Variants in KCNMA1 observed in about 807,000 individuals in gnomAD.
The protein encoded by KCNMA1 is Calcium-activated potassium channel subunit alpha-1.
Under a neutral mutation model 140.0 loss-of-function variants are expected in KCNMA1, and 29 were observed. That is an observed-to-expected ratio of 0.21 (90% CI 0.15 to 0.28). KCNMA1 has a LOEUF of 0.28. Ranked by LOEUF, KCNMA1 falls within the 10% of genes least tolerant of loss-of-function variation. The pLI, the probability that KCNMA1 is intolerant of heterozygous loss-of-function variation, is 1.00. For synonymous variants in KCNMA1, 612 were observed against 611.9 expected (o/e 1.00, Z 0.00); for missense variants, 880 against 1,602.2 (o/e 0.55, Z 7.70).
At chr10:77,039,455 T>A in intron 15 of KCNMA1, 73 bp downstream of exon 15, 2 of 873,232 alleles carry the variant, frequency 2.3e-6, no homozygotes, top group Non-Finnish European at 3.9e-6. Context: ...CCAGCAGAGG[T>A]GGGAGGCTTC....
intron 2 of KCNMA1, among the ~76,000 whole-genome samples, chr10:77,344,227 C>T (rs1326777487): frequency 6.6e-6 from 1 of 152,194 alleles, no homozygotes; most frequent in Non-Finnish European, 1.5e-5. Context: ...AGCAGAGTTG[C>T]GTGAGGGCTC....
intron 5 of KCNMA1, among the ~76,000 whole-genome samples, chr10:77,152,218 A>G (rs887390424): frequency 1.3e-5 from 2 of 151,978 alleles, no homozygotes; most frequent in Non-Finnish European, 2.9e-5. Flanking sequence ...TCTACCATGC[A>G]TAAGCTGTTT....
At position 77,012,001 on chromosome 10, in the gene KCNMA1, A is replaced by G; in HGVS notation, c.2058T>C (p.Asp686=). The G allele has an allele frequency of 6.2e-7, 1 of 1,613,886 alleles. No individual in the cohort carries two copies. The highest frequency in any genetic ancestry group is 1.1e-5 in the South Asian group (1 of 91,066). Residue 686 remains aspartate (D), a synonymous_variant, in exon 18 of 28, where the codon GAT becomes GAC. Coordinates refer to ENST00000286628, the MANE Select transcript of KCNMA1 (RefSeq NM_001161352.2). ...AGCCACATTTTTTTATTCTTTTGGG[A>G]TCTGTGATGTCATCATGACAGGCCT... ...YCKACHDDIT[D]PKRIKKCGCK... is the part of the protein sequence containing the mutation.
chr10:76,877,278 C>T, downstream of KCNMA1: 1 of 155,174 alleles, frequency 6.4e-6, no homozygotes, highest in Non-Finnish European at 1.4e-5. Context: ...CATCATTGGC[C>T]ATTTTAAAAT....
At chr10:77,096,987 G>T (rs74140285) in intron 9 of KCNMA1, among the ~76,000 whole-genome samples, 1,627 of 152,256 alleles carry the variant, frequency 0.011, 18 homozygotes, top group African/African-American at 0.037. Context: ...AGCAGGGCGT[G>T]GGGGGTTAGA....
At chr10:77,194,926 G>A (rs1465168040) in intron 3 of KCNMA1, among the ~76,000 whole-genome samples, 1 of 152,148 alleles carries the variant, frequency 6.6e-6, no homozygotes, top group East Asian at 1.9e-4. Flanking sequence ...ACATAACATA[G>A]ATAGTCACCA....
chr10:77,050,572 G>A (rs1354419362), intron 14 of KCNMA1, among the ~76,000 whole-genome samples: 4 of 152,162 alleles, frequency 2.6e-5, no homozygotes, highest in Non-Finnish European at 4.4e-5. Context: ...TGATATGCAC[G>A]TATGTCACCC....
chr10:77,026,468 T>C (rs1365903115), intron 16 of KCNMA1, among the ~76,000 whole-genome samples: 1 of 152,198 alleles, frequency 6.6e-6, no homozygotes, highest in Non-Finnish European at 1.5e-5. Context: ...GGCAAAAACA[T>C]GGGTAAACAG....
intron 1 of KCNMA1, among the ~76,000 whole-genome samples, chr10:77,506,596 A>AGAGAGTGTGTGTGTGTGTGTGT: frequency 4.8e-5 from 4 of 83,570 alleles, no homozygotes; most frequent in African/African-American, 2.2e-4. Context: ...AGAGAGAGAG[A>AGAGAGTGTGTGTGTGTGTGTGT]GTGTGTGTGT....
At position 77,443,966 on chromosome 10, in the gene KCNMA1, C is replaced by T. The variant is rs137951236; in HGVS notation, c.379-39943G>A. 3.9e-4 allele frequency among the ~76,000 whole-genome samples: 60 copies of T among 152,152 alleles called. 2 individuals are homozygous for T. The East Asian group carries it at 0.011, about 28-fold the overall frequency. ...TTTAATATGATAGATATCCCAATAA[C>T]CCTGATTTGACCTTTACAAATTATA... On this transcript the variant is annotated intron_variant, in intron 1 of 27. Transcript: ENST00000286628.
downstream of KCNMA1, chr10:76,876,050 T>C (rs940458273): frequency 6.6e-6 from 1 of 152,570 alleles, no homozygotes; most frequent in African/African-American, 2.4e-5. Context: ...AGCACGACTA[T>C]ATTGGCTCTG....
At chr10:77,356,871 G>T (rs115816900) in intron 2 of KCNMA1, among the ~76,000 whole-genome samples, 1 of 152,286 alleles carries the variant, frequency 6.6e-6, no homozygotes, top group African/African-American at 2.4e-5. Flanking sequence ...GATTGGTTCA[G>T]AAGCAACATG....
chr10:77,605,304 T>C (rs2154566989), intron 1 of KCNMA1, among the ~76,000 whole-genome samples: 1 of 152,346 alleles, frequency 6.6e-6, no homozygotes, highest in Admixed American at 6.5e-5. Context: ...GCATGGTGCC[T>C]GCAGCCCTGA....
rs1053775187 is a variant in KCNMA1 at position 76,907,530 on chromosome 10, G to GTTTTA, written c.3147+2431_3147+2435dup. 3.0e-3 allele frequency among the ~76,000 whole-genome samples: 463 copies of GTTTTA among 152,094 alleles called. 1 individual carries two copies. The highest frequency in any genetic ancestry group is 0.011 in the African/African-American group (442 of 41,490). On this transcript the variant is annotated intron_variant, in intron 25 of 27. Transcript: ENST00000286628. ...GGCTGTACTCAGACACATCTCTGTT[G>GTTTTA]TTTTATTTTATTTTATTTTATTTTT... is the stretch of plus-strand genomic sequence containing the variant.
intron 2 of KCNMA1, among the ~76,000 whole-genome samples, chr10:77,293,489 A>C (rs2616609): frequency 0.84 from 127,345 of 151,986 alleles, 53,522 homozygotes; most frequent in Middle Eastern, 0.9. Flanking sequence ...CCCTGACTCT[A>C]AGGGGCATTG....
intron 22 of KCNMA1, among the ~76,000 whole-genome samples, chr10:76,947,644 G>T (rs1048143258): frequency 6.6e-6 from 1 of 152,206 alleles, no homozygotes. Context: ...CTCTGTGTAT[G>T]ACTGTTTGTC....
chr10:77,495,412 G>A (rs2041536681), intron 1 of KCNMA1, among the ~76,000 whole-genome samples: 1 of 152,098 alleles, frequency 6.6e-6, no homozygotes, highest in South Asian at 2.1e-4. Context: ...GTCCACCTCG[G>A]TCACGACACC....
chr10:77,465,380 C>T (rs547823420), intron 1 of KCNMA1, among the ~76,000 whole-genome samples: 1 of 152,150 alleles, frequency 6.6e-6, no homozygotes, highest in Non-Finnish European at 1.5e-5. Context: ...CTTCTGGCTC[C>T]AGGATGGCAC....
At chr10:77,068,914 CAA>C (rs1311677541) in intron 14 of KCNMA1, among the ~76,000 whole-genome samples, 2 of 149,894 alleles carry the variant, frequency 1.3e-5, no homozygotes, top group African/African-American at 4.9e-5. Flanking sequence ...TTGTCATGTG[CAA>C]AGACAGCTAA....
Sources: allele counts gnomAD v4.1 joint callset (sites outside exome capture counted in the v4.1 genomes callset), GRCh38; gene constraint gnomAD v4.1.1; transcripts MANE v1.5; gene names NCBI Gene and HGNC (gene_info 2026-07-23, HGNC 2026-07-21).